Variants in SOX6 observed in about 807,000 individuals in gnomAD.
The protein encoded by SOX6 is transcription factor SOX-6.
A neutral mutation model predicts 97.8 loss-of-function variants in SOX6; 11 were observed. That is an observed-to-expected ratio of 0.11 (90% CI 0.07 to 0.19). The LOEUF is 0.19. Ranked by LOEUF, SOX6 falls within the 10% of genes least tolerant of loss-of-function variation. SOX6 has a pLI of 1.00. For synonymous variants in SOX6, 360 were observed against 371.4 expected (o/e 0.97, Z 0.35); for missense variants, 810 against 1,039.5 (o/e 0.78, Z 3.04).
intron 4 of SOX6, among the ~76,000 whole-genome samples, chr11:16,571,199 T>G (rs1337419673): frequency 6.6e-6 from 1 of 152,158 alleles, no homozygotes; most frequent in African/African-American, 2.4e-5. Context: ...TGAAAGCATT[T>G]TTATATATTT....
At chr11:16,285,560 T>TA (rs1436766376) in intron 3 of SOX6, among the ~76,000 whole-genome samples, 11 of 152,022 alleles carry the variant, frequency 7.2e-5, no homozygotes, top group Non-Finnish European at 1.6e-4. Context: ...TTTATATATA[T>TA]TTTTAGAAGG....
In SOX6 at chr11:16,014,852, A is replaced by G. The variant is rs935463606; in HGVS notation, c.1732+90T>C. ...CCTAAGAAATCTAGTGATGACTCCTATGAAAAACTATAAAGATCCTATATC... is the reference window on the plus strand; with the variant it reads ...CCTAAGAAATCTAGTGATGACTCCTGTGAAAAACTATAAAGATCCTATATC... On this transcript the variant is annotated intron_variant, in intron 13 of 15. Transcript: ENST00000683767. 3.0e-5 allele frequency: 37 copies of G among 1,229,510 alleles called. 1 individual carries two copies. In the East Asian group the frequency reaches 3.8e-4, roughly 13 times the overall value. The allele number at this position is 1,229,510 out of a possible 1,614,324, so 76.2% of individuals were successfully genotyped here. A position where few individuals can be genotyped will look rare whatever the true frequency, so the allele number is the denominator to read the frequency against.
rs538640439 is a variant in SOX6, at chr11:16,383,721, T to C, written c.-4-42469A>G. Among the ~76,000 whole-genome samples the C allele has an allele frequency of 2.0e-5, 3 of 152,106 alleles. No homozygotes were observed. In the East Asian group the frequency reaches 5.8e-4, roughly 29 times the overall value. ...GCATCACATGTAAAAGCACCTACAT[T>C]AGTGCTGTACAACAAAAGAGAAGCC... On this transcript the variant is annotated intron_variant, in intron 1 of 15. Coordinates refer to the SOX6 transcript ENST00000396356.
Position 16,514,810 on chromosome 11 carries a change from G to C in SOX6, n.610-38422C>G, listed in dbSNP as rs185840016. On this transcript the variant is annotated intron_variant and non_coding_transcript_variant, in intron 4 of 5. Coordinates refer to the SOX6 transcript ENST00000524520. ...GAATATGCGGTGTTTGGCTTTTTGT[G>C]CTTGCGATAGTTTACTGAGAATGAT... Among the ~76,000 whole-genome samples, 4 of 150,476 alleles carry C rather than the reference G, an allele frequency of 2.7e-5. No individual in the cohort carries two copies. In the East Asian group the frequency reaches 7.9e-4, roughly 30 times the overall value.
chr11:16,057,344 C>G (rs1386381424), intron 9 of SOX6, among the ~76,000 whole-genome samples: 1 of 151,986 alleles, frequency 6.6e-6, no homozygotes, highest in Admixed American at 6.6e-5. Flanking sequence ...AATTTTATTT[C>G]TCAACTTTTT....
intron 3 of SOX6, among the ~76,000 whole-genome samples, chr11:16,695,061 A>G (rs1441605512): frequency 6.6e-6 from 1 of 152,210 alleles, no homozygotes; most frequent in Non-Finnish European, 1.5e-5. Flanking sequence ...TGGTATCCAC[A>G]GGAGGTCTTG....
upstream of SOX6, among the ~76,000 whole-genome samples, chr11:16,360,530 C>T (rs1857186067): frequency 6.6e-6 from 1 of 152,158 alleles, no homozygotes; most frequent in South Asian, 2.1e-4. Context: ...TCCATAGTGC[C>T]TGTAGCAGGC....
intron 15 of SOX6, 62 bp downstream of exon 15, chr11:15,986,142 G>C (rs1853830219): frequency 7.1e-7 from 1 of 1,410,968 alleles, no homozygotes; most frequent in Non-Finnish European, 1.0e-6. Flanking sequence ...ACTGCCAGTA[G>C]CCATCCTATA....
intron 4 of SOX6, among the ~76,000 whole-genome samples, chr11:16,206,985 T>G (rs538239681): frequency 1.9e-3 from 284 of 152,234 alleles, no homozygotes; most frequent in African/African-American, 6.7e-3. Context: ...TGCCATTACT[T>G]GCCCATCTCG....
At chr11:15,993,074 G>C (rs1252101991) in intron 13 of SOX6, among the ~76,000 whole-genome samples, 1 of 152,028 alleles carries the variant, frequency 6.6e-6, no homozygotes, top group Admixed American at 6.6e-5. Flanking sequence ...TGCCGCAGTA[G>C]AAATACATAT....
At chr11:16,721,844 C>G (rs1460931752) in intron 2 of SOX6, among the ~76,000 whole-genome samples, 2 of 151,460 alleles carry the variant, frequency 1.3e-5, no homozygotes, top group Non-Finnish European at 2.9e-5. Flanking sequence ...CAGAAAATTG[C>G]ACAGACAAAT....
chr11:16,477,126 T>C (rs529117480), upstream of SOX6, among the ~76,000 whole-genome samples: 9 of 152,322 alleles, frequency 5.9e-5, no homozygotes, highest in African/African-American at 2.2e-4. Flanking sequence ...TTTAGTTCCA[T>C]TAAAACAAAG....
chr11:15,986,164 C>T (rs1225549802), intron 15 of SOX6, 40 bp downstream of exon 15: 1 of 1,585,890 alleles, frequency 6.3e-7, no homozygotes, highest in African/African-American at 1.3e-5. Flanking sequence ...TTACTTACCG[C>T]AAAAGTAAAG....
chr11:15,992,777 C>T (rs1382811080), intron 13 of SOX6, among the ~76,000 whole-genome samples: 1 of 152,096 alleles, frequency 6.6e-6, no homozygotes, highest in Non-Finnish European at 1.5e-5. Context: ...GTGACTATGC[C>T]ATATAAGGCT....
At chr11:16,260,372 T>C (rs1853849210) in intron 3 of SOX6, among the ~76,000 whole-genome samples, 1 of 152,154 alleles carries the variant, frequency 6.6e-6, no homozygotes, top group Non-Finnish European at 1.5e-5. Context: ...ATATGTTATA[T>C]TGTGAAAATG....
intron 6 of SOX6, among the ~76,000 whole-genome samples, chr11:16,180,250 T>C (rs61619526): frequency 3.4e-4 from 51 of 151,948 alleles, no homozygotes; most frequent in African/African-American, 1.2e-3. Flanking sequence ...TAATTAAAAG[T>C]GAATTCTGTT....
At chr11:16,278,621 T>C (rs933293664) in intron 3 of SOX6, among the ~76,000 whole-genome samples, 5 of 150,804 alleles carry the variant, frequency 3.3e-5, no homozygotes, top group South Asian at 2.1e-4. Flanking sequence ...AACAATAACA[T>C]CAAGTTTAGA....
At chr11:16,520,116 C>T (rs1861035224) in intron 4 of SOX6, among the ~76,000 whole-genome samples, 1 of 152,080 alleles carries the variant, frequency 6.6e-6, no homozygotes, top group African/African-American at 2.4e-5. Flanking sequence ...TAGATGCATA[C>T]TTTGCAAATA....
intron 6 of SOX6, among the ~76,000 whole-genome samples, chr11:16,115,850 G>T (rs1461780799): frequency 6.6e-6 from 1 of 152,076 alleles, no homozygotes; most frequent in East Asian, 1.9e-4. Flanking sequence ...GCTGGAGTTT[G>T]GATACTATGA....
Sources: gnomAD v4.1 joint callset for allele counts (sites outside exome capture counted in the v4.1 genomes callset) on GRCh38, gnomAD v4.1.1 for gene constraint, MANE v1.5 for transcripts, NCBI Gene and HGNC (gene_info 2026-07-23, HGNC 2026-07-21) for gene names.